CAMKK2: variants seen among roughly 807,000 people sequenced by gnomAD.
The protein encoded by CAMKK2 is calcium/calmodulin-dependent protein kinase kinase 2.
Under a neutral mutation model 67.2 loss-of-function variants are expected in CAMKK2, and 30 were observed. The ratio of observed to expected loss-of-function variants is 0.45; its 90% CI spans 0.33 to 0.61. The LOEUF (loss-of-function observed/expected upper bound fraction) is 0.61, where lower values mean the gene tolerates loss of function less well. Ranked by LOEUF, CAMKK2 falls within the 20% of genes least tolerant of loss-of-function variation. The pLI, the probability that CAMKK2 is intolerant of heterozygous loss-of-function variation, is 0.02. For synonymous variants in CAMKK2, 322 were observed against 326.2 expected (o/e 0.99, Z 0.14); for missense variants, 643 against 802.0 (o/e 0.80, Z 2.39).
intron 7 of CAMKK2, among the ~76,000 whole-genome samples, chr12:121,257,540 T>A (rs537912329): frequency 1.3e-5 from 2 of 152,078 alleles, no homozygotes; most frequent in East Asian, 3.9e-4. Context: ...AAAAATTTTT[T>A]AAAAATGAAA....
intron 1 of CAMKK2, among the ~76,000 whole-genome samples, chr12:121,290,558 C>T (rs774510365): frequency 1.3e-5 from 2 of 152,180 alleles, no homozygotes; most frequent in Non-Finnish European, 2.9e-5. Context: ...GGCGTGGTGG[C>T]GCAGGGCTGT....
intron 1 of CAMKK2, among the ~76,000 whole-genome samples, chr12:121,277,495 G>A (rs77029319): frequency 9.9e-5 from 15 of 152,200 alleles, no homozygotes; most frequent in Admixed American, 2.0e-4. Flanking sequence ...ATCAACAGAC[G>A]AATGAATAAA....
At chr12:121,281,034 G>A (rs1304709300) in intron 1 of CAMKK2, among the ~76,000 whole-genome samples, 2 of 152,170 alleles carry the variant, frequency 1.3e-5, no homozygotes, top group African/African-American at 2.4e-5. Context: ...AAACTTGCTG[G>A]TTTTTGTGGC....
chr12:121,248,636 T>A lies in CAMKK2; in HGVS notation c.1422A>T (p.Ser474=). The A allele has an allele frequency of 1.9e-6, 3 of 1,614,220 alleles. No individual in the cohort carries two copies. The highest frequency in any genetic ancestry group is 2.5e-6 in the Non-Finnish European group (3 of 1,180,026). ...TTGCCAAGCTGGGAATGTGTTTGAC[T>A]GAGTTCTCGACCTCCTCTTCAGTCA... is the stretch of plus-strand genomic sequence containing the variant. The part of the protein sequence containing the change: ...VEVTEEEVEN[S]VKHIPSLATV... Residue 474 remains serine (S), a synonymous_variant, in exon 14 of 17, where the codon TCA becomes TCT. Coordinates refer to ENST00000404169, the MANE Select transcript of CAMKK2 (RefSeq NM_001270485.2).
chr12:121,240,649 GC>G lies in CAMKK2; in HGVS notation c.*49del, dbSNP rs778294517. Reference sequence around the variant, plus strand: ...GCTGCTATGGAAACGCGGTGCAGCAGCCCCCCAGAGGCGACGCGGCGCGCAT... The same window carrying G: ...GCTGCTATGGAAACGCGGTGCAGCAGCCCCCAGAGGCGACGCGGCGCGCAT... On this transcript the variant is annotated 3_prime_UTR_variant, in exon 17 of 17. Transcript: ENST00000404169. The surrounding 1 kb of genome is among the most constrained non-coding windows in gnomAD (Gnocchi z 4.4). 1.3e-6 allele frequency: 2 copies of G among 1,544,702 alleles called. No homozygotes were observed. Among genetic ancestry groups the G allele is most frequent in the Admixed American group, 4.0e-5 (2 of 50,308 alleles).
intron 5 of CAMKK2, among the ~76,000 whole-genome samples, chr12:121,266,347 G>A (rs80341247): frequency 0.063 from 9,484 of 150,868 alleles, 441 homozygotes; most frequent in Non-Finnish European, 0.088. Context: ...AAGACAAGAG[G>A]TAAGAAGGAG....
At chr12:121,294,518 T>C (rs1043958127) in intron 1 of CAMKK2, among the ~76,000 whole-genome samples, 3 of 152,190 alleles carry the variant, frequency 2.0e-5, no homozygotes, top group African/African-American at 7.2e-5. Flanking sequence ...AACACTGATG[T>C]AGTGAATAAA....
intron 6 of CAMKK2, among the ~76,000 whole-genome samples, chr12:121,260,916 A>G (rs1313458495): frequency 2.0e-5 from 3 of 150,868 alleles, no homozygotes; most frequent in Non-Finnish European, 4.4e-5. Context: ...TCACGCCATT[A>G]CACTTCAGCC....
Position 121,294,119 on chromosome 12 carries a change from G to C in CAMKK2, c.-60+2519C>G, listed in dbSNP as rs200708552. Reference sequence around the variant, plus strand: ...AGCTAATTTTTGTATTTTTAGTAGAGATGGGGTTTCACCATGTTGGCCAGG... The same window carrying C: ...AGCTAATTTTTGTATTTTTAGTAGACATGGGGTTTCACCATGTTGGCCAGG... On this transcript the variant is annotated intron_variant, in intron 1 of 16. Coordinates refer to ENST00000404169, the MANE Select transcript of CAMKK2 (RefSeq NM_001270485.2). Among the ~76,000 whole-genome samples, 27 of 152,062 alleles carry C rather than the reference G, an allele frequency of 1.8e-4. 1 individual carries two copies. The East Asian group carries it at 5.0e-3, about 28-fold the overall frequency.
At chr12:121,295,143 C>G (rs1900891408) in intron 1 of CAMKK2, among the ~76,000 whole-genome samples, 1 of 152,186 alleles carries the variant, frequency 6.6e-6, no homozygotes, top group Non-Finnish European at 1.5e-5. Context: ...GCACTCCACC[C>G]TGGGCAACAG....
At chr12:121,243,515 T>G (rs1888785743) in intron 16 of CAMKK2, 1 of 152,570 alleles carries the variant, frequency 6.6e-6, no homozygotes, top group Non-Finnish European at 1.5e-5. Flanking sequence ...AATGAAGCAC[T>G]AATACATGTA....
chr12:121,244,109 A>T, intron 16 of CAMKK2: 1 of 1,612,126 alleles, frequency 6.2e-7, no homozygotes, highest in Non-Finnish European at 8.5e-7. Context: ...AACAGGCAGG[A>T]AGGGGACTTA....
intron 6 of CAMKK2, among the ~76,000 whole-genome samples, chr12:121,261,022 C>T (rs1893345050): frequency 6.6e-6 from 1 of 151,902 alleles, no homozygotes; most frequent in African/African-American, 2.4e-5. Context: ...AATTCAAATC[C>T]TATCTGGGCT....
intron 5 of CAMKK2, among the ~76,000 whole-genome samples, chr12:121,266,610 C>T (rs962900580): frequency 5.9e-5 from 9 of 151,952 alleles, no homozygotes; most frequent in Admixed American, 2.0e-4. Context: ...AATTCTCTGC[C>T]TCAGCCTCCC....
chr12:121,262,747 A>G (rs1026810659), intron 6 of CAMKK2, among the ~76,000 whole-genome samples: 3 of 151,918 alleles, frequency 2.0e-5, no homozygotes, highest in African/African-American at 7.2e-5. Context: ...TTTTGTAGAG[A>G]CAAGGTTTCA....
At chr12:121,242,746 TTTTC>T (rs1371232000) in intron 16 of CAMKK2, among the ~76,000 whole-genome samples, 1 of 151,410 alleles carries the variant, frequency 6.6e-6, no homozygotes, top group Non-Finnish European at 1.5e-5. Flanking sequence ...TTTCTTTTTC[TTTTC>T]TTTTTTTTTT....
At chr12:121,284,452 G>A (rs957387924) in intron 1 of CAMKK2, among the ~76,000 whole-genome samples, 16 of 152,230 alleles carry the variant, frequency 1.1e-4, no homozygotes, top group South Asian at 2.1e-4. Context: ...AGCTTCCCAA[G>A]TAGCTGGGGA....
At chr12:121,242,903 C>A (rs1208585263) in intron 16 of CAMKK2, among the ~76,000 whole-genome samples, 35 of 152,104 alleles carry the variant, frequency 2.3e-4, no homozygotes, top group Non-Finnish European at 2.9e-4. Context: ...CCACCGCGCC[C>A]GGCTAATTTT....
At chr12:121,288,359 T>C (rs1219697098) in intron 1 of CAMKK2, among the ~76,000 whole-genome samples, 1 of 152,118 alleles carries the variant, frequency 6.6e-6, no homozygotes, top group African/African-American at 2.4e-5. Flanking sequence ...GACATCATGC[T>C]AAATCTAGCT....
Sources: allele counts gnomAD v4.1 joint callset (sites outside exome capture counted in the v4.1 genomes callset), GRCh38; gene constraint gnomAD v4.1.1; non-coding constraint Gnocchi (gnomAD v3.1); transcripts MANE v1.5; gene names NCBI Gene and HGNC (gene_info 2026-07-23, HGNC 2026-07-21).